Variants in CRYL1 observed in about 807,000 individuals in gnomAD.
The protein encoded by CRYL1 is crystallin lambda 1.
CRYL1 carries 29 observed loss-of-function variants against 36.6 expected under a neutral mutation model. The observed-to-expected ratio is 0.79, with a 90% CI of 0.59 to 1.08. The LOEUF (loss-of-function observed/expected upper bound fraction) is 1.08. Among genes scored for constraint, CRYL1 ranks in the 50% least tolerant of loss-of-function variants. CRYL1 has a pLI of 0.00. For synonymous variants in CRYL1, 152 were observed against 151.5 expected (o/e 1.00, Z -0.02); for missense variants, 411 against 407.9 (o/e 1.01, Z -0.06).
At chr13:20,464,168 T>C (rs189699240) in intron 3 of CRYL1, among the ~76,000 whole-genome samples, 4 of 152,362 alleles carry the variant, frequency 2.6e-5, no homozygotes, top group Non-Finnish European at 4.4e-5. Context: ...ATATGTTCGT[T>C]ATACAAGTTA....
chr13:20,465,728 T>C (rs1330665506), intron 3 of CRYL1, among the ~76,000 whole-genome samples: 1 of 152,032 alleles, frequency 6.6e-6, no homozygotes, highest in African/African-American at 2.4e-5. Context: ...CCATAGAGAG[T>C]TTACCAGAAT....
In CRYL1 at chr13:20,453,443, T is replaced by A. The variant is rs1367431509; in HGVS notation, c.277-13689A>T. ...TAATATATTTGAATATTTTGAAATATTCTAATATATTTGAATATTTTGAAA... is the reference window on the plus strand; with the variant it reads ...TAATATATTTGAATATTTTGAAATAATCTAATATATTTGAATATTTTGAAA... On this transcript the variant is annotated intron_variant, in intron 3 of 7. Coordinates refer to ENST00000298248, the MANE Select transcript of CRYL1 (RefSeq NM_015974.3). Among the ~76,000 whole-genome samples, 9 of 141,568 alleles carry A rather than the reference T, an allele frequency of 6.4e-5. No individual in the cohort carries two copies. The East Asian group carries it at 1.7e-3, about 27-fold the overall frequency. The allele number at this position is 141,568 out of a possible 152,430, so 92.9% of individuals were successfully genotyped here.
At chr13:20,412,942 A>G (rs2031560529) in intron 6 of CRYL1, among the ~76,000 whole-genome samples, 1 of 152,186 alleles carries the variant, frequency 6.6e-6, no homozygotes, top group African/African-American at 2.4e-5. Context: ...GCCTCTGTAA[A>G]TAATGTCATC....
intron 3 of CRYL1, among the ~76,000 whole-genome samples, chr13:20,446,013 G>C (rs938148214): frequency 3.3e-5 from 5 of 152,186 alleles, no homozygotes; most frequent in African/African-American, 1.2e-4. Context: ...ACACTAAGCT[G>C]CTTTAAAGCT....
chr13:20,428,044 A>G (rs977899675), intron 5 of CRYL1, among the ~76,000 whole-genome samples: 3 of 152,202 alleles, frequency 2.0e-5, no homozygotes, highest in African/African-American at 4.8e-5. Context: ...CCAGAAAGGA[A>G]CCCCACCCTG....
intron 3 of CRYL1, among the ~76,000 whole-genome samples, chr13:20,484,937 A>G (rs1329198569): frequency 6.6e-6 from 1 of 152,196 alleles, no homozygotes; most frequent in African/African-American, 2.4e-5. Context: ...GTGGGGCAGC[A>G]TTAGGTAGGT....
intron 5 of CRYL1, among the ~76,000 whole-genome samples, chr13:20,421,637 A>G (rs1192833313): frequency 1.3e-5 from 2 of 151,652 alleles, no homozygotes; most frequent in East Asian, 3.9e-4. Flanking sequence ...GGGGCTCCTT[A>G]CCCCCATCCT....
chr13:20,507,795 G>A (rs549965007), intron 2 of CRYL1, among the ~76,000 whole-genome samples: 197 of 151,014 alleles, frequency 1.3e-3, no homozygotes, highest in African/African-American at 4.4e-3. Flanking sequence ...GCGAGCACCT[G>A]TAGCCCCAGC....
intron 2 of CRYL1, among the ~76,000 whole-genome samples, chr13:20,491,001 G>A (rs1044829110): frequency 5.9e-5 from 9 of 152,122 alleles, no homozygotes; most frequent in African/African-American, 2.2e-4. Flanking sequence ...GACCTCCCAG[G>A]ATCAAGTGAT....
At chr13:20,413,411 T>C (rs1206431657) in intron 5 of CRYL1, 24 bp from the exon 6 acceptor site, 3 of 1,485,342 alleles carry the variant, frequency 2.0e-6, no homozygotes, top group Admixed American at 1.8e-5. Context: ...TTGGGCGGCA[T>C]AGATGAGTTT....
At chr13:20,503,815 A>T (rs2137495374) in intron 2 of CRYL1, among the ~76,000 whole-genome samples, 1 of 152,350 alleles carries the variant, frequency 6.6e-6, no homozygotes, top group East Asian at 1.9e-4. Flanking sequence ...AGACCTAGGT[A>T]GCAAGTTAAA....
chr13:20,522,562 G>C (rs1405011270), intron 1 of CRYL1, among the ~76,000 whole-genome samples: 4 of 152,100 alleles, frequency 2.6e-5, no homozygotes, highest in Non-Finnish European at 4.4e-5. Context: ...CTGTCTATTG[G>C]GACCACGCAT....
intron 2 of CRYL1, among the ~76,000 whole-genome samples, chr13:20,492,287 G>A (rs944842664): frequency 1.3e-5 from 2 of 152,206 alleles, no homozygotes; most frequent in Non-Finnish European, 2.9e-5. Context: ...TGAATTGGAC[G>A]TGTCAAATGA....
At chr13:20,491,255 T>C (rs977150104) in intron 2 of CRYL1, among the ~76,000 whole-genome samples, 1 of 151,302 alleles carries the variant, frequency 6.6e-6, no homozygotes, top group Non-Finnish European at 1.5e-5. Context: ...GTTTTTCTCA[T>C]ATAAGTAATT....
At chr13:20,430,441 T>C (rs1450425282) in intron 5 of CRYL1, 1 of 985,226 alleles carries the variant, frequency 1.0e-6, no homozygotes. Context: ...ATGTTCCCGC[T>C]AGCCAGTAAC....
intron 3 of CRYL1, chr13:20,439,999 CA>C: frequency 2.4e-6 from 1 of 421,974 alleles, no homozygotes; most frequent in Admixed American, 3.6e-5. Flanking sequence ...TCCCATGAAG[CA>C]GGGCATAAGA....
At chr13:20,434,162 G>A (rs1294605734) in intron 4 of CRYL1, among the ~76,000 whole-genome samples, 7 of 152,218 alleles carry the variant, frequency 4.6e-5, no homozygotes, top group Non-Finnish European at 2.9e-5. Flanking sequence ...CAGGAGAAAT[G>A]TTCCTGGCCC....
chr13:20,404,762 G>T (rs939789061), intron 6 of CRYL1, 21 bp from the exon 7 acceptor site: 2 of 1,479,036 alleles, frequency 1.4e-6, no homozygotes, highest in Non-Finnish European at 1.9e-6. Context: ...ATGAAGACAA[G>T]AATCCACAAT....
chr13:20,504,035 C>G (rs370437020), intron 2 of CRYL1, among the ~76,000 whole-genome samples: 1 of 152,116 alleles, frequency 6.6e-6, no homozygotes, highest in African/African-American at 2.4e-5. Context: ...AAGATCGAAG[C>G]GTACAGGCCC....
Sources: allele counts gnomAD v4.1 joint callset (sites outside exome capture counted in the v4.1 genomes callset), GRCh38; gene constraint gnomAD v4.1.1; transcripts MANE v1.5; gene names NCBI Gene and HGNC (gene_info 2026-07-23, HGNC 2026-07-21).